MDGA2: variants seen among roughly 807,000 people sequenced by gnomAD.
MDGA2 encodes the protein MAM domain containing glycosylphosphatidylinositol anchor 2.
Under a neutral mutation model 117.8 loss-of-function variants are expected in MDGA2, and 40 were observed. The ratio of observed to expected loss-of-function variants is 0.34; its 90% CI spans 0.26 to 0.44. The LOEUF (loss-of-function observed/expected upper bound fraction) is 0.44, where lower values mean the gene tolerates loss of function less well. Among genes scored for constraint, MDGA2 ranks in the 20% least tolerant of loss-of-function variants. MDGA2 has a pLI of 1.00. For missense variants in MDGA2, 1,123 were observed against 1,250.6 expected (o/e 0.90, Z 1.54); for synonymous variants, 452 against 439.0 (o/e 1.03, Z -0.37).
intron 3 of MDGA2, 149 bp downstream of exon 3, chr14:47,217,872 C>T (rs554748404): frequency 5.6e-6 from 3 of 533,660 alleles, no homozygotes; most frequent in Non-Finnish European, 9.0e-6. Context: ...TTCCTTTCTT[C>T]AGGAACGTTT....
At chr14:47,027,846 G>T (rs1178648608) in intron 8 of MDGA2, among the ~76,000 whole-genome samples, 1 of 151,840 alleles carries the variant, frequency 6.6e-6, no homozygotes, top group East Asian at 1.9e-4. Context: ...GGAAAATAAT[G>T]TTTATTTGTG....
chr14:47,643,091 T>G (rs1385280350), intron 1 of MDGA2, among the ~76,000 whole-genome samples: 1 of 152,142 alleles, frequency 6.6e-6, no homozygotes, highest in Non-Finnish European at 1.5e-5. Flanking sequence ...GTTGTTATTC[T>G]GGATAAATCA....
chr14:46,983,861 T>C (rs952930242), intron 8 of MDGA2, among the ~76,000 whole-genome samples: 2 of 152,010 alleles, frequency 1.3e-5, no homozygotes, highest in Non-Finnish European at 2.9e-5. Flanking sequence ...TAATACTTAT[T>C]GGGACTCTCA....
intron 1 of MDGA2, among the ~76,000 whole-genome samples, chr14:47,422,609 T>C (rs953303185): frequency 2.7e-4 from 41 of 152,228 alleles, no homozygotes; most frequent in African/African-American, 9.6e-4. Flanking sequence ...TTTTTAACTT[T>C]TTACATTATA....
intron 1 of MDGA2, among the ~76,000 whole-genome samples, chr14:47,480,343 C>T (rs1402659094): frequency 6.6e-6 from 1 of 151,856 alleles, no homozygotes; most frequent in Non-Finnish European, 1.5e-5. Context: ...TTTTAATATG[C>T]CAAGGAAATT....
At chr14:47,001,212 A>C (rs1206045622) in intron 8 of MDGA2, among the ~76,000 whole-genome samples, 1 of 152,098 alleles carries the variant, frequency 6.6e-6, no homozygotes, top group Non-Finnish European at 1.5e-5. Context: ...TAAAAAGAAA[A>C]GGAATATGAC....
At chr14:47,446,142 C>T (rs1372633165) in intron 1 of MDGA2, among the ~76,000 whole-genome samples, 1 of 152,100 alleles carries the variant, frequency 6.6e-6, no homozygotes, top group African/African-American at 2.4e-5. Flanking sequence ...ATCAGAGAGT[C>T]ATCCCTGTGT....
intron 9 of MDGA2, among the ~76,000 whole-genome samples, chr14:46,926,233 A>T (rs1884326230): frequency 6.6e-6 from 1 of 152,300 alleles, no homozygotes. Context: ...TAGTGTGAAA[A>T]CTGAGTGATG....
At chr14:47,223,570 A>T (rs1289262739) in intron 2 of MDGA2, among the ~76,000 whole-genome samples, 2 of 152,134 alleles carry the variant, frequency 1.3e-5, no homozygotes, top group South Asian at 4.1e-4. Context: ...AAGGCTAGGA[A>T]ATATACTCTT....
intron 5 of MDGA2, among the ~76,000 whole-genome samples, chr14:47,107,475 G>A (rs934348075): frequency 6.6e-6 from 1 of 151,932 alleles, no homozygotes; most frequent in African/African-American, 2.4e-5. Flanking sequence ...CTTAATCCCA[G>A]GCTCTCTTCG....
intron 1 of MDGA2, among the ~76,000 whole-genome samples, chr14:47,501,910 C>T (rs867598000): frequency 6.6e-6 from 1 of 151,840 alleles, no homozygotes; most frequent in Admixed American, 6.6e-5. Context: ...AACTAACACA[C>T]CATTCAATTG....
chr14:47,078,669 C>G lies in MDGA2; in HGVS notation c.1196-17091G>C, dbSNP rs147067765. Among the ~76,000 whole-genome samples the G allele has an allele frequency of 2.2e-4, 34 of 152,198 alleles. No individual in the cohort carries two copies. The East Asian group carries it at 6.6e-3, about 29-fold the overall frequency. On this transcript the variant is annotated intron_variant, in intron 6 of 16. Transcript: ENST00000399232. ...TCACTAGAGAAATAAAATAATCTTTCAAAAATAAACTTTTGGAAAGAAAAT... is the reference window on the plus strand; with the variant it reads ...TCACTAGAGAAATAAAATAATCTTTGAAAAATAAACTTTTGGAAAGAAAAT...
chr14:47,099,073 G>A (rs567925032), intron 5 of MDGA2, among the ~76,000 whole-genome samples: 2 of 151,932 alleles, frequency 1.3e-5, no homozygotes, highest in East Asian at 1.9e-4. Context: ...CTCAAGTTAC[G>A]TTTATTGATG....
intron 16 of MDGA2, among the ~76,000 whole-genome samples, chr14:46,842,243 A>T (rs1880645973): frequency 6.6e-6 from 1 of 152,188 alleles, no homozygotes; most frequent in African/African-American, 2.4e-5. Flanking sequence ...CAGATTTTGA[A>T]TTGATATAAT....
intron 10 of MDGA2, among the ~76,000 whole-genome samples, chr14:46,890,963 A>T (rs1327722003): frequency 2.6e-5 from 4 of 152,140 alleles, no homozygotes; most frequent in Non-Finnish European, 1.5e-5. Flanking sequence ...AATAAAACAG[A>T]ACTTTGGAAA....
intron 6 of MDGA2, among the ~76,000 whole-genome samples, chr14:47,085,304 C>T (rs1307371841): frequency 6.6e-6 from 1 of 151,962 alleles, no homozygotes; most frequent in African/African-American, 2.4e-5. Flanking sequence ...TAATCAAGGA[C>T]AGAAATCATT....
intron 1 of MDGA2, among the ~76,000 whole-genome samples, chr14:47,410,500 G>C (rs1057126687): frequency 6.6e-6 from 1 of 151,622 alleles, no homozygotes; most frequent in Non-Finnish European, 1.5e-5. Flanking sequence ...GTTTGTCTTT[G>C]TAACAAACTT....
intron 14 of MDGA2, among the ~76,000 whole-genome samples, chr14:46,862,508 T>G (rs1881552539): frequency 6.6e-6 from 1 of 150,468 alleles, no homozygotes. Context: ...TACTTTTAAT[T>G]ATTGTACTAT....
In MDGA2 at chr14:46,884,248, C is replaced by T. The variant is rs1433789508; in HGVS notation, c.2239-2027G>A. Among the ~76,000 whole-genome samples, 2 of 152,034 alleles carry T rather than the reference C, an allele frequency of 1.3e-5. No homozygotes were observed. On this transcript the variant is annotated intron_variant, in intron 10 of 16. Transcript: ENST00000399232. The surrounding 1 kb of genome is among the most constrained non-coding windows in gnomAD (Gnocchi z 4.1). ...TCATTGCTGTCTGCCTCAATGGTGC[C>T]AAACTATTAAGAATCAAAGTTCAAG...
Sources: gnomAD v4.1 joint callset for allele counts (sites outside exome capture counted in the v4.1 genomes callset) on GRCh38, gnomAD v4.1.1 for gene constraint, Gnocchi (gnomAD v3.1) non-coding constraint, MANE v1.5 for transcripts, NCBI Gene and HGNC (gene_info 2026-07-23, HGNC 2026-07-21) for gene names.